PHF24: variants seen among roughly 807,000 people sequenced by gnomAD.
PHF24 encodes the protein PHD finger protein 24, also known as Galpha inhibitory interacting protein.
In PHF24, 25 loss-of-function variants were observed where a neutral mutation model predicts 42.6. The observed-to-expected ratio is 0.59, with a 90% confidence interval of 0.43 to 0.82. The LOEUF (loss-of-function observed/expected upper bound fraction) is 0.82. Among genes scored for constraint, PHF24 ranks in the 40% least tolerant of loss-of-function variants. The probability of loss-of-function intolerance (pLI) is 0.00; values close to 1 mark genes in which losing one functional copy is unlikely to be tolerated. For missense variants in PHF24, 470 were observed against 538.1 expected (o/e 0.87, Z 1.25); for synonymous variants, 185 against 204.8 (o/e 0.90, Z 0.83).
chr9:34,954,555 A>G (rs1398426113), upstream of PHF24, among the ~76,000 whole-genome samples: 2 of 152,224 alleles, frequency 1.3e-5, no homozygotes, highest in Non-Finnish European at 2.9e-5. Context: ...CCATCAGAAT[A>G]TGAGGACAAC....
chr9:34,871,334 T>C, the PHF24 span, among the ~76,000 whole-genome samples: 1 of 152,254 alleles, frequency 6.6e-6, no homozygotes, highest in Non-Finnish European at 1.5e-5. Context: ...ATACTTTGGA[T>C]AGCAGTCCTT....
chr9:34,947,936 G>A, the PHF24 span, among the ~76,000 whole-genome samples: 9 of 151,974 alleles, frequency 5.9e-5, no homozygotes, highest in East Asian at 1.4e-3. Context: ...GTAAAACCCC[G>A]TCTCTACTAA....
At chr9:34,850,950 C>T in the PHF24 span, among the ~76,000 whole-genome samples, 1 of 152,286 alleles carries the variant, frequency 6.6e-6, no homozygotes, top group East Asian at 1.9e-4. Context: ...TCTGATCGTT[C>T]CTCTGGAAGT....
At chr9:34,895,463 G>A in the PHF24 span, 2 of 397,640 alleles carry the variant, frequency 5.0e-6, no homozygotes, top group Non-Finnish European at 8.9e-6. Flanking sequence ...AGCTCTTCTG[G>A]TGTCCAGTGA....
chr9:34,698,432 T>A, the PHF24 span, among the ~76,000 whole-genome samples: 1 of 152,192 alleles, frequency 6.6e-6, no homozygotes, highest in Admixed American at 6.5e-5. Context: ...CAAAATGTAC[T>A]GCAAAATGTA....
chr9:34,886,988 C>T, the PHF24 span, among the ~76,000 whole-genome samples: 4 of 152,106 alleles, frequency 2.6e-5, no homozygotes, highest in Non-Finnish European at 5.9e-5. Context: ...ATGTGAACTC[C>T]TGACTCCCCT....
chr9:34,969,775 G>C (rs1826908779), intron 1 of PHF24, among the ~76,000 whole-genome samples: 1 of 151,984 alleles, frequency 6.6e-6, no homozygotes, highest in African/African-American at 2.4e-5. Flanking sequence ...TATTATTCCT[G>C]CTATCATCAT....
chr9:34,679,486 G>A, the PHF24 span, among the ~76,000 whole-genome samples: 1 of 152,214 alleles, frequency 6.6e-6, no homozygotes, highest in African/African-American at 2.4e-5. Context: ...AAAGACAGTG[G>A]TGGGCGGATC....
chr9:34,878,107 A>G, the PHF24 span, among the ~76,000 whole-genome samples: 1 of 152,236 alleles, frequency 6.6e-6, no homozygotes, highest in African/African-American at 2.4e-5. Flanking sequence ...CAAATGTATT[A>G]CAGTAATGCA....
At chr9:34,944,627 A>T in the PHF24 span, among the ~76,000 whole-genome samples, 1 of 152,300 alleles carries the variant, frequency 6.6e-6, no homozygotes, top group Admixed American at 6.5e-5. Flanking sequence ...ATTCATCCAG[A>T]TGTCTGTATG....
chr9:34,893,465 G>GT, the PHF24 span, among the ~76,000 whole-genome samples: 30,216 of 151,886 alleles, frequency 0.2, 3,333 homozygotes, highest in East Asian at 0.49. Context: ...GCCAGGCATG[G>GT]TGGCGTATGC....
chr9:34,815,524 G>A, the PHF24 span, among the ~76,000 whole-genome samples: 12 of 152,024 alleles, frequency 7.9e-5, no homozygotes, highest in East Asian at 1.9e-4. Context: ...GGGTTTCACC[G>A]TGTTAGCCAG....
chr9:34,818,528 C>G, the PHF24 span, among the ~76,000 whole-genome samples: 1 of 152,196 alleles, frequency 6.6e-6, no homozygotes, highest in African/African-American at 2.4e-5. Flanking sequence ...GGCGTACCCC[C>G]ACTTAGTCAT....
At chr9:34,956,266 T>C (rs1177749633), upstream of PHF24, among the ~76,000 whole-genome samples, 1 of 151,754 alleles carries the variant, frequency 6.6e-6, no homozygotes, top group African/African-American at 2.4e-5. Context: ...CAATGTACTT[T>C]TGTGTGTGTG....
the PHF24 span, among the ~76,000 whole-genome samples, chr9:34,706,507 A>G: frequency 6.6e-6 from 1 of 152,182 alleles, no homozygotes; most frequent in Non-Finnish European, 1.5e-5. Context: ...GTATTATGTG[A>G]TATTTTTTGA....
At chr9:34,712,095 T>C in the PHF24 span, among the ~76,000 whole-genome samples, 1 of 152,198 alleles carries the variant, frequency 6.6e-6, no homozygotes, top group Non-Finnish European at 1.5e-5. Flanking sequence ...TATAGAATTC[T>C]TGTTTGACTT....
chr9:34,853,844 A>G, the PHF24 span, among the ~76,000 whole-genome samples: 1 of 151,554 alleles, frequency 6.6e-6, no homozygotes, highest in Non-Finnish European at 1.5e-5. Flanking sequence ...AAAAAAAAAA[A>G]AAGAAATGGC....
the PHF24 span, among the ~76,000 whole-genome samples, chr9:34,863,387 G>GC: frequency 1.3e-5 from 2 of 151,266 alleles, no homozygotes; most frequent in African/African-American, 4.9e-5. Context: ...CCACAGGGGT[G>GC]CTTGTGAGCC....
chr9:34,738,232 G>A, the PHF24 span, among the ~76,000 whole-genome samples: 1 of 152,112 alleles, frequency 6.6e-6, no homozygotes, highest in African/African-American at 2.4e-5. Flanking sequence ...CACAAACAGA[G>A]ATAATAATAT....
Sources: gnomAD v4.1 joint callset for allele counts (sites outside exome capture counted in the v4.1 genomes callset) on GRCh38, gnomAD v4.1.1 for gene constraint, MANE v1.5 for transcripts, NCBI Gene and HGNC (gene_info 2026-07-23, HGNC 2026-07-21) for gene names.